CNIH3: variants seen among roughly 807,000 people sequenced by gnomAD.
The protein encoded by CNIH3 is cornichon family AMPA receptor auxiliary protein 3.
CNIH3 carries 14 observed loss-of-function variants against 24.1 expected under a neutral mutation model. The observed-to-expected ratio is 0.58, with a 90% CI of 0.38 to 0.91. The LOEUF (loss-of-function observed/expected upper bound fraction) is 0.91, where lower values mean the gene tolerates loss of function less well. CNIH3 is among the 40% of genes least tolerant of loss of function. The pLI, the probability that CNIH3 is intolerant of heterozygous loss-of-function variation, is 0.00. For synonymous variants in CNIH3, 68 were observed against 73.8 expected (o/e 0.92, Z 0.40); for missense variants, 178 against 196.8 (o/e 0.90, Z 0.57).
At chr1:224,589,231 C>A (rs1681646966), downstream of CNIH3, among the ~76,000 whole-genome samples, 2 of 152,150 alleles carry the variant, frequency 1.3e-5, no homozygotes, top group Non-Finnish European at 2.9e-5. Flanking sequence ...TTCCCAGACC[C>A]TGCCACAAAA....
At chr1:224,434,713 A>G (rs2102932517) in exon 1 of CNIH3, 3 of 959,108 alleles carry the variant, frequency 3.1e-6, no homozygotes, top group African/African-American at 1.8e-5. Flanking sequence ...GGCGGGCGGC[A>G]GCGGAGGCAG....
At chr1:224,658,591 AATG>A (rs1253960569) in intron 1 of CNIH3, among the ~76,000 whole-genome samples, 1 of 151,784 alleles carries the variant, frequency 6.6e-6, no homozygotes, top group African/African-American at 2.4e-5. Context: ...ATTTAGCCAG[AATG>A]ATAATTCAGA....
intron 1 of CNIH3, among the ~76,000 whole-genome samples, chr1:224,648,069 A>T (rs1195226842): frequency 2.0e-5 from 3 of 152,036 alleles, no homozygotes; most frequent in African/African-American, 7.2e-5. Flanking sequence ...AGAGTGAAGA[A>T]CCAGCCATGT....
At chr1:224,487,548 T>C (rs962763296) in intron 1 of CNIH3, among the ~76,000 whole-genome samples, 2 of 152,156 alleles carry the variant, frequency 1.3e-5, no homozygotes, top group Non-Finnish European at 2.9e-5. Flanking sequence ...TACTGACTGA[T>C]AAAAATATGT....
intron 1 of CNIH3, among the ~76,000 whole-genome samples, chr1:224,455,563 G>T (rs1377406521): frequency 1.3e-5 from 2 of 152,186 alleles, no homozygotes; most frequent in Non-Finnish European, 2.9e-5. Flanking sequence ...GCCCAGAGGG[G>T]AGGCCCATTA....
chr1:224,544,104 T>C (rs1047547587), intron 2 of CNIH3, among the ~76,000 whole-genome samples: 23 of 152,218 alleles, frequency 1.5e-4, no homozygotes, highest in African/African-American at 5.5e-4. Flanking sequence ...CAAAGCTTTT[T>C]GGCTCTTGGA....
intron 1 of CNIH3, among the ~76,000 whole-genome samples, chr1:224,663,491 T>C (rs1685457197): frequency 6.6e-6 from 1 of 152,160 alleles, no homozygotes; most frequent in African/African-American, 2.4e-5. Context: ...AAATGGAAAT[T>C]TCTTCAGAAT....
Position 224,470,317 on chromosome 1 carries a change from CT to C in CNIH3, n.203+35473del, listed in dbSNP as rs1328534764. On this transcript the variant is annotated intron_variant and non_coding_transcript_variant, in intron 1 of 5. Transcript: ENST00000471578. Reference sequence around the variant, plus strand: ...ACAGGCATGAGCCACTGTGCCTGGCCTTTTTTTTTTTTTTTTTTAAGAGGTA... The same window carrying C: ...ACAGGCATGAGCCACTGTGCCTGGCCTTTTTTTTTTTTTTTTTAAGAGGTA... Among the ~76,000 whole-genome samples the C allele has an allele frequency of 2.5e-3, 340 of 134,276 alleles. 1 individual carries two copies. Among genetic ancestry groups the C allele is most frequent in the East Asian group, 8.5e-3 (40 of 4,698 alleles). 88.1% of individuals were successfully genotyped at this position (134,276 alleles called of 152,430 possible). A position where few individuals can be genotyped will look rare whatever the true frequency, so the allele number is the denominator to read the frequency against.
intron 1 of CNIH3, among the ~76,000 whole-genome samples, chr1:224,653,967 G>A (rs1307285892): frequency 6.6e-6 from 1 of 152,140 alleles, no homozygotes; most frequent in African/African-American, 2.4e-5. Flanking sequence ...ACCACACCCA[G>A]CTACTGGGGA....
At chr1:224,504,465 C>A (rs1165291320) in intron 1 of CNIH3, among the ~76,000 whole-genome samples, 2 of 152,132 alleles carry the variant, frequency 1.3e-5, no homozygotes, top group South Asian at 2.1e-4. Context: ...TTCCTCTCCC[C>A]CTAAGAAAGT....
chr1:224,619,021 T>G (rs1558218976), intron 1 of CNIH3, among the ~76,000 whole-genome samples: 1 of 152,236 alleles, frequency 6.6e-6, no homozygotes. Context: ...GGGGAGTTAC[T>G]TGGATTCTAG....
Position 224,448,276 on chromosome 1 carries a change from T to G in CNIH3, n.203+13414T>G, listed in dbSNP as rs148748440. On this transcript the variant is annotated intron_variant and non_coding_transcript_variant, in intron 1 of 5. Transcript: ENST00000471578. ...AAAAAAATCAGAAATAAACTGGAGATCCTCACAGAGCATCTTGATAGATAG... is the reference window on the plus strand; with the variant it reads ...AAAAAAATCAGAAATAAACTGGAGAGCCTCACAGAGCATCTTGATAGATAG... 4.8e-3 allele frequency among the ~76,000 whole-genome samples: 731 copies of G among 152,138 alleles called. 3 individuals carry two copies. Among genetic ancestry groups the G allele is most frequent in the African/African-American group, 0.017 (707 of 41,494 alleles).
chr1:224,587,220 G>A (rs546522333), intron 5 of CNIH3: 1 of 152,474 alleles, frequency 6.6e-6, no homozygotes, highest in Non-Finnish European at 1.5e-5. Flanking sequence ...AAGAGTCAAG[G>A]TTTGGGAGGG....
chr1:224,484,849 A>G (rs1451746299), intron 1 of CNIH3, among the ~76,000 whole-genome samples: 1 of 152,254 alleles, frequency 6.6e-6, no homozygotes, highest in African/African-American at 2.4e-5. Context: ...TTCAAAAAAT[A>G]TCTTTCATGT....
intron 1 of CNIH3, among the ~76,000 whole-genome samples, chr1:224,655,852 G>A (rs1450071176): frequency 6.6e-6 from 1 of 152,144 alleles, no homozygotes; most frequent in Non-Finnish European, 1.5e-5. Context: ...ACTATGCATG[G>A]GAAAGCAGGA....
chr1:224,579,295 C>T lies in CNIH3; in HGVS notation n.517-3869C>T, dbSNP rs1001070665. Among the ~76,000 whole-genome samples, 18 of 152,090 alleles carry T rather than the reference C, an allele frequency of 1.2e-4. No individual in the cohort carries two copies. In the East Asian group the frequency reaches 2.9e-3, roughly 24 times the overall value. Reference sequence around the variant, plus strand: ...TCTGTCTTTCATTGTAAAGGTTTTCCTCAAATGCCGCAATGAGTCTCAGCC... The same window carrying T: ...TCTGTCTTTCATTGTAAAGGTTTTCTTCAAATGCCGCAATGAGTCTCAGCC... On this transcript the variant is annotated intron_variant and non_coding_transcript_variant, in intron 4 of 5. Coordinates refer to the CNIH3 transcript ENST00000471578.
At chr1:224,575,128 A>G (rs1180198646) in intron 4 of CNIH3, 51 of 931,230 alleles carry the variant, frequency 5.5e-5, no homozygotes, top group Non-Finnish European at 8.9e-5. Context: ...TCCCTCCTGG[A>G]AGATCCCAGG....
rs565421832 is a variant in CNIH3 at position 224,678,572 on chromosome 1, G to A, written c.82-2386G>A. 7.2e-5 allele frequency among the ~76,000 whole-genome samples: 11 copies of A among 152,216 alleles called. No homozygotes were observed. In the South Asian group the frequency reaches 1.0e-3, roughly 14 times the overall value. ...AACAATGGTTGGAGAGATTTAGCTT[G>A]AAGAGGAAAGATTTGCTGGGGTCCC... On this transcript the variant is annotated intron_variant, in intron 1 of 5. Coordinates refer to ENST00000272133, the MANE Select transcript of CNIH3 (RefSeq NM_152495.2).
chr1:224,449,652 C>G (rs1281387239), intron 1 of CNIH3, among the ~76,000 whole-genome samples: 3 of 152,126 alleles, frequency 2.0e-5, no homozygotes, highest in Non-Finnish European at 4.4e-5. Context: ...ACCACCACCC[C>G]CGGCTACAAA....
Sources: allele counts gnomAD v4.1 joint callset (sites outside exome capture counted in the v4.1 genomes callset), GRCh38; gene constraint gnomAD v4.1.1; transcripts MANE v1.5; gene names NCBI Gene and HGNC (gene_info 2026-07-23, HGNC 2026-07-21).